Variants in AKAP1 observed in about 807,000 individuals in gnomAD.
The protein encoded by AKAP1 is A-kinase anchor protein 1, mitochondrial.
AKAP1 carries 32 observed loss-of-function variants against 79.8 expected under a neutral mutation model. The observed-to-expected ratio is 0.40, with a 90% CI of 0.30 to 0.54. The LOEUF (loss-of-function observed/expected upper bound fraction) is 0.54, where lower values mean the gene tolerates loss of function less well. Among genes scored for constraint, AKAP1 ranks in the 20% least tolerant of loss-of-function variants. The pLI is 0.47. For missense variants in AKAP1, 961 were observed against 1,138.9 expected (o/e 0.84, Z 2.25); for synonymous variants, 416 against 466.7 (o/e 0.89, Z 1.40).
At chr17:57,113,111 A>G (rs1915352070) in intron 5 of AKAP1, among the ~76,000 whole-genome samples, 1 of 152,120 alleles carries the variant, frequency 6.6e-6, no homozygotes, top group African/African-American at 2.4e-5. Context: ...AAGAAGAATG[A>G]ATACTCCCCA....
At chr17:57,100,302 C>G (rs1567901801) in intron 1 of AKAP1, among the ~76,000 whole-genome samples, 2 of 152,080 alleles carry the variant, frequency 1.3e-5, no homozygotes, top group Non-Finnish European at 2.9e-5. Flanking sequence ...ATTTACTGAC[C>G]TGGCCAGGCG....
chr17:57,091,667 C>T (rs892591683), intron 1 of AKAP1, among the ~76,000 whole-genome samples: 11 of 148,106 alleles, frequency 7.4e-5, no homozygotes, highest in Non-Finnish European at 1.3e-4. Flanking sequence ...ACCACATAAC[C>T]CCATTAAAAA....
At chr17:57,101,026 G>C (rs528068352) in intron 1 of AKAP1, among the ~76,000 whole-genome samples, 1 of 151,986 alleles carries the variant, frequency 6.6e-6, no homozygotes, top group East Asian at 1.9e-4. Flanking sequence ...CAAAACTCCC[G>C]TCTCAAAAAA....
intron 1 of AKAP1, among the ~76,000 whole-genome samples, chr17:57,103,023 G>A (rs577224921): frequency 2.0e-5 from 3 of 151,246 alleles, no homozygotes; most frequent in Non-Finnish European, 4.4e-5. Context: ...AGGTTGTAAT[G>A]AGCCGAGATC....
At chr17:57,093,001 C>G (rs1054138293) in intron 1 of AKAP1, 2 of 152,410 alleles carry the variant, frequency 1.3e-5, no homozygotes, top group Admixed American at 1.3e-4. Flanking sequence ...CTCAAGTGTT[C>G]CAGTTCTGAT....
intron 5 of AKAP1, among the ~76,000 whole-genome samples, chr17:57,114,235 C>T (rs562677650): frequency 1.2e-4 from 18 of 152,284 alleles, no homozygotes; most frequent in South Asian, 4.1e-4. Context: ...TGAGACTGCC[C>T]CTAATGGCTG....
chr17:57,100,202 T>C (rs1914403496), intron 1 of AKAP1, among the ~76,000 whole-genome samples: 1 of 152,176 alleles, frequency 6.6e-6, no homozygotes, highest in African/African-American at 2.4e-5. Flanking sequence ...CATTTAATCT[T>C]TTTCCTGCGA....
In AKAP1 at chr17:57,101,952, C is replaced by G. The variant is rs150634220; in HGVS notation, c.-24-3489C>G. ...CGTATCCAGGTGATTTTTTCCATGT[C>G]GGCACATGAGATCAACTTCTTTCGG... On this transcript the variant is annotated intron_variant, in intron 1 of 10. Coordinates refer to ENST00000337714, the MANE Select transcript of AKAP1 (RefSeq NM_003488.4). Among the ~76,000 whole-genome samples the G allele has an allele frequency of 5.3e-4, 80 of 152,158 alleles. 1 individual carries two copies. In the East Asian group the frequency reaches 0.014, roughly 27 times the overall value.
intron 1 of AKAP1, chr17:57,093,794 C>T (rs1913924967): frequency 7.1e-6 from 1 of 140,998 alleles, no homozygotes; most frequent in Non-Finnish European, 1.5e-5. Context: ...TTCAATTCTT[C>T]CAGCTGTCCC....
intron 1 of AKAP1, among the ~76,000 whole-genome samples, chr17:57,091,194 G>A (rs1913761718): frequency 1.3e-5 from 2 of 152,334 alleles, no homozygotes; most frequent in South Asian, 4.1e-4. Context: ...CCCACACTCA[G>A]CTGTGCCTTT....
chr17:57,112,723 A>C (rs1229224710), intron 5 of AKAP1, 105 bp downstream of exon 5: 1 of 1,447,276 alleles, frequency 6.9e-7, no homozygotes, highest in Non-Finnish European at 9.3e-7. Flanking sequence ...AGTGCACATG[A>C]GTGCCTGCGC....
At position 57,106,403 on chromosome 17, in the gene AKAP1, T is replaced by C; in HGVS notation, c.939T>C (p.Asn313=). 7.1e-7 allele frequency: 1 copy of C among 1,409,842 alleles called. No individual in the cohort carries two copies. The highest frequency in any genetic ancestry group is 1.4e-5 in the African/African-American group (1 of 73,042). The allele number at this position is 1,409,842 out of a possible 1,614,324, so 87.3% of individuals were successfully genotyped here. ...ELGNEESLDR[N]EEGLDRNEEG... ...GCAATGAGGAGAGCTTGGATAGAAA[T>C]GAGGAGGGCTTGGATAGAAATGAGG... Residue 313 remains asparagine, a synonymous_variant, in exon 2 of 11, where the codon AAT becomes AAC. Coordinates refer to ENST00000337714, the MANE Select transcript of AKAP1 (RefSeq NM_003488.4).
intron 1 of AKAP1, among the ~76,000 whole-genome samples, chr17:57,099,516 T>A (rs1196763481): frequency 6.6e-6 from 1 of 151,826 alleles, no homozygotes; most frequent in Non-Finnish European, 1.5e-5. Context: ...GTGGGTTGGG[T>A]GAAATGGGTA....
chr17:57,107,870 C>T, intron 2 of AKAP1: 1 of 979,880 alleles, frequency 1.0e-6, no homozygotes, highest in Non-Finnish European at 1.4e-6. Flanking sequence ...GCTTTGAATA[C>T]TTGTGGGAGG....
At chr17:57,115,107 G>A (rs1050742100) in intron 6 of AKAP1, among the ~76,000 whole-genome samples, 3 of 152,146 alleles carry the variant, frequency 2.0e-5, no homozygotes, top group Admixed American at 6.5e-5. Context: ...CCATTTAACA[G>A]ATGAGAAAAC....
At position 57,119,014 on chromosome 17, in the gene AKAP1, G is replaced by T; in HGVS notation, c.2607G>T (p.Leu869=). The change falls in exon 10 of 11, where the codon CTG becomes CTT. Residue 869 remains leucine (L), a synonymous_variant. Coordinates refer to ENST00000337714, the MANE Select transcript of AKAP1 (RefSeq NM_003488.4). The part of the protein sequence containing the change: ...VTSYSPTGLP[L]IQLWSVVGDE... ...GTTACAGTCCAACTGGTCTTCCTCTGATTCAGCTGTGGAGTGTGGTTGGAG... is the reference window on the plus strand; with the variant it reads ...GTTACAGTCCAACTGGTCTTCCTCTTATTCAGCTGTGGAGTGTGGTTGGAG... 1.2e-6 allele frequency: 2 copies of T among 1,613,958 alleles called. No individual in the cohort carries two copies. Among genetic ancestry groups the T allele is most frequent in the Non-Finnish European group, 1.7e-6 (2 of 1,179,838 alleles).
At chr17:57,102,523 T>A (rs1473799741) in intron 1 of AKAP1, among the ~76,000 whole-genome samples, 1 of 151,232 alleles carries the variant, frequency 6.6e-6, no homozygotes, top group Non-Finnish European at 1.5e-5. Flanking sequence ...TGGAGTGCAG[T>A]GGCACTATCT....
intron 9 of AKAP1, 150 bp downstream of exon 9, chr17:57,118,604 T>G: frequency 1.4e-6 from 1 of 733,294 alleles, no homozygotes; most frequent in Middle Eastern, 3.8e-4. Context: ...TATTAGTCTG[T>G]TCTCACATTG....
At chr17:57,095,997 AC>A (rs1914088033) in intron 1 of AKAP1, 1 of 151,472 alleles carries the variant, frequency 6.6e-6, no homozygotes. Flanking sequence ...TAAAATCCAC[AC>A]CCCTACCCCC....
Sources: allele counts gnomAD v4.1 joint callset (sites outside exome capture counted in the v4.1 genomes callset), GRCh38; gene constraint gnomAD v4.1.1; transcripts MANE v1.5; gene names NCBI Gene and HGNC (gene_info 2026-07-23, HGNC 2026-07-21).